CEP85: variants seen among roughly 807,000 people sequenced by gnomAD.
The protein encoded by CEP85 is centrosomal protein 85.
In CEP85, 58 loss-of-function variants were observed where a neutral mutation model predicts 93.7. The ratio of observed to expected loss-of-function variants is 0.62; its 90% CI spans 0.50 to 0.77. The LOEUF is 0.77. Among genes scored for constraint, CEP85 ranks in the 30% least tolerant of loss-of-function variants. The pLI, the probability that CEP85 is intolerant of heterozygous loss-of-function variation, is 0.00. For missense variants in CEP85, 868 were observed against 922.0 expected, an observed-to-expected ratio of 0.94 and a Z score of 0.76; for synonymous variants, 314 against 338.6, an observed-to-expected ratio of 0.93 and a Z score of 0.80.
chr1:26,276,513 G>A, intron 12 of CEP85, 22 bp from the exon 13 acceptor site: 1 of 1,590,378 alleles, frequency 6.3e-7, no homozygotes. Context: ...GAGTTAATGT[G>A]CTTACCCATC....
chr1:26,264,104 G>A (rs747453883), intron 7 of CEP85, among the ~76,000 whole-genome samples: 3 of 152,182 alleles, frequency 2.0e-5, no homozygotes, highest in Non-Finnish European at 4.4e-5. Context: ...CTCTCTGACA[G>A]TATTGATTGT....
At chr1:26,276,514 C>T (rs372221911) in intron 12 of CEP85, 21 bp from the exon 13 acceptor site, 11 of 1,593,222 alleles carry the variant, frequency 6.9e-6, no homozygotes, top group Admixed American at 3.3e-5. Flanking sequence ...AGTTAATGTG[C>T]TTACCCATCT....
intron 3 of CEP85, 107 bp downstream of exon 3, chr1:26,244,425 C>A (rs527952566): frequency 2.0e-6 from 2 of 995,310 alleles, no homozygotes; most frequent in African/African-American, 1.6e-5. Context: ...ATGTTCATAA[C>A]GTCATTCCAT....
chr1:26,244,015 AAAC>A, intron 2 of CEP85, 148 bp from the exon 3 acceptor site: 5 of 472,026 alleles, frequency 1.1e-5, no homozygotes, highest in East Asian at 7.1e-5. Context: ...AAAAAAAAAA[AAAC>A]TAGATCGGAG....
At chr1:26,275,809 G>A (rs1438964516) in intron 12 of CEP85, among the ~76,000 whole-genome samples, 1 of 152,178 alleles carries the variant, frequency 6.6e-6, no homozygotes, top group Non-Finnish European at 1.5e-5. Flanking sequence ...GAGGGCCTGG[G>A]ACTGAAGGAC....
At chr1:26,253,390 CTTT>C (rs778365418) in intron 3 of CEP85, among the ~76,000 whole-genome samples, 2 of 134,614 alleles carry the variant, frequency 1.5e-5, no homozygotes, top group Non-Finnish European at 1.6e-5. Flanking sequence ...TATCTTTCAT[CTTT>C]TTTTTTTTTT....
intron 2 of CEP85, among the ~76,000 whole-genome samples, chr1:26,243,437 CTG>C (rs2089459081): frequency 6.6e-6 from 1 of 152,066 alleles, no homozygotes; most frequent in Non-Finnish European, 1.5e-5. Flanking sequence ...CATTGAGAAA[CTG>C]TAAGAAAGAG....
rs1553161626 is a variant in CEP85, at chr1:26,273,931, A to AAT, written c.1795-1032_1795-1031insTA. Reference sequence around the variant, plus strand: ...AAATAAATAAATAAATAAATAAATAAAATATATATATATATGTGAATTTGT... The same window carrying AAT: ...AAATAAATAAATAAATAAATAAATAAATAATATATATATATATGTGAATTTGT... On this transcript the variant is annotated intron_variant, in intron 11 of 13. Transcript: ENST00000451429. Among the ~76,000 whole-genome samples, 819 of 127,410 alleles carry AAT rather than the reference A, an allele frequency of 6.4e-3. 4 individuals are homozygous for AAT. Among genetic ancestry groups the AAT allele is most frequent in the African/African-American group, 0.021 (705 of 33,998 alleles). 83.6% of individuals were successfully genotyped at this position (127,410 alleles called of 152,430 possible). A position where few individuals can be genotyped will look rare whatever the true frequency, so the allele number is the denominator to read the frequency against.
chr1:26,269,123 A>G (rs544558544), intron 8 of CEP85, among the ~76,000 whole-genome samples: 1 of 151,836 alleles, frequency 6.6e-6, no homozygotes, highest in East Asian at 1.9e-4. Context: ...CCACCAAACT[A>G]CTCACCCCAC....
chr1:26,255,862 G>A lies in CEP85; in HGVS notation c.900G>A (p.Met300Ile), dbSNP rs766678709. ...LELIRLQMEQ[M>I]QLQNGAICHH... ...TGATTCGTTTACAGATGGAGCAAAT[G>A]CAGGTAGAGGTCTATCTTTCCTTGG... The change falls in exon 4 of 14, where the codon ATG becomes ATA. Residue 300 changes from methionine to isoleucine, a missense_variant. Met to Ile is a conservative substitution (Grantham distance 10). Transcript: ENST00000451429. The A allele has an allele frequency of 1.9e-6, 3 of 1,599,996 alleles. No homozygotes were observed. In the South Asian group the frequency reaches 3.3e-5, roughly 18 times the overall value.
At chr1:26,267,270 G>A (rs771703187) in intron 7 of CEP85, among the ~76,000 whole-genome samples, 11 of 152,168 alleles carry the variant, frequency 7.2e-5, no homozygotes, top group Non-Finnish European at 2.9e-5. Context: ...TATTATAAGG[G>A]ATACAATTCA....
At chr1:26,242,920 TC>T (rs1276110090) in intron 2 of CEP85, among the ~76,000 whole-genome samples, 4 of 152,170 alleles carry the variant, frequency 2.6e-5, no homozygotes, top group Non-Finnish European at 5.9e-5. Flanking sequence ...ATTGAACACT[TC>T]CTACCTACCT....
At chr1:26,248,410 A>G (rs1166152385) in intron 3 of CEP85, among the ~76,000 whole-genome samples, 3 of 152,156 alleles carry the variant, frequency 2.0e-5, no homozygotes, top group Non-Finnish European at 4.4e-5. Flanking sequence ...TCTTTTGGGA[A>G]AATAACTTAC....
intron 1 of CEP85, among the ~76,000 whole-genome samples, chr1:26,235,675 C>A (rs935263671): frequency 6.8e-5 from 10 of 147,810 alleles, no homozygotes; most frequent in Non-Finnish European, 1.5e-4. Context: ...CAGGTTCAAG[C>A]GATTCTCCTG....
In CEP85 at chr1:26,256,908, TTTTTG is replaced by T. The variant is rs142866462; in HGVS notation, c.904-673_904-669del. 1.0e-3 allele frequency among the ~76,000 whole-genome samples: 146 copies of T among 139,514 alleles called. 2 individuals carry two copies. Among genetic ancestry groups the T allele is most frequent in the African/African-American group, 3.1e-3 (117 of 37,540 alleles). 91.5% of individuals were successfully genotyped at this position (139,514 alleles called of 152,430 possible). On this transcript the variant is annotated intron_variant, in intron 4 of 13. Coordinates refer to ENST00000451429, the MANE Select transcript of CEP85 (RefSeq NM_001319944.2). ...TACTGTGCCTGCCTGTATTTTCCTT[TTTTTG>T]TTTTGTTTTGTTTTGGTGTGTGTGT...
At position 26,255,750 on chromosome 1, in the gene CEP85, C is replaced by G; in HGVS notation, c.788C>G (p.Pro263Arg). 1 of 1,614,148 alleles carries G rather than the reference C, an allele frequency of 6.2e-7. No homozygotes were observed. The highest frequency in any genetic ancestry group is 8.5e-7 in the Non-Finnish European group (1 of 1,180,014). Reference sequence around the variant, plus strand: ...GCTCCCGGGCTCTCCAAGCCTCTGCCCTCTCAGGTGTGGCAGCCGAGTCCT... The same window carrying G: ...GCTCCCGGGCTCTCCAAGCCTCTGCGCTCTCAGGTGTGGCAGCCGAGTCCT... ...QPAPGLSKPL[P>R]SQVWQPSPDT... The change falls in exon 4 of 14, where the codon CCC becomes CGC. Residue 263 changes from proline (P) to arginine (R), a missense_variant. By Grantham distance (103) the Pro-to-Arg change is moderately radical. Coordinates refer to ENST00000451429, the MANE Select transcript of CEP85 (RefSeq NM_001319944.2).
chr1:26,241,016 A>G (rs2089414485), intron 2 of CEP85, among the ~76,000 whole-genome samples: 1 of 152,158 alleles, frequency 6.6e-6, no homozygotes, highest in African/African-American at 2.4e-5. Flanking sequence ...TATTTCAAAT[A>G]AGTAATATTT....
Position 26,239,819 on chromosome 1 carries a change from C to T in CEP85, c.36C>T (p.Ile12=). ...AMQEKYPTEG[I]SHVTSPSSDV... is the part of the protein sequence containing the mutation. ...AGGAGAAATATCCAACTGAGGGGAT[C>T]TCTCACGTCACTTCACCGAGTGAGT... is the stretch of plus-strand genomic sequence containing the variant. Residue 12 remains isoleucine, a synonymous_variant, in exon 2 of 14, where the codon ATC becomes ATT. Transcript: ENST00000451429. 1 of 1,613,722 alleles carries T rather than the reference C, an allele frequency of 6.2e-7. No homozygotes were observed. The highest frequency in any genetic ancestry group is 8.5e-7 in the Non-Finnish European group (1 of 1,179,604).
In CEP85 at chr1:26,249,808, G is replaced by A. The variant is rs2124572125; in HGVS notation, c.209-5363G>A. The stretch of plus-strand genomic sequence containing the variant: ...GATTTAGAACTATATTCTTAAAATG[G>A]CAAAACCCCAAAGTTTTTGGGAACT... On this transcript the variant is annotated intron_variant, in intron 3 of 13. Transcript: ENST00000451429. Among the ~76,000 whole-genome samples the A allele has an allele frequency of 2.0e-5, 3 of 152,228 alleles. 1 individual carries two copies. In the Middle Eastern group the frequency reaches 0.01, roughly 518 times the overall value.
Sources: gnomAD v4.1 joint callset for allele counts (sites outside exome capture counted in the v4.1 genomes callset) on GRCh38, gnomAD v4.1.1 for gene constraint, MANE v1.5 for transcripts, NCBI Gene and HGNC (gene_info 2026-07-23, HGNC 2026-07-21) for gene names.